DIAPH3: variants seen among roughly 807,000 people sequenced by gnomAD.
The protein encoded by DIAPH3 is protein diaphanous homolog 3.
In DIAPH3, 117 loss-of-function variants were observed where a neutral mutation model predicts 144.3. That is an observed-to-expected ratio of 0.81 (90% confidence interval 0.70 to 0.95). DIAPH3 has a LOEUF of 0.95. Among genes scored for constraint, DIAPH3 ranks in the 40% least tolerant of loss-of-function variants. The probability of loss-of-function intolerance (pLI) is 0.00; values close to 1 mark genes in which losing one functional copy is unlikely to be tolerated. For missense variants in DIAPH3, 1,421 were observed against 1,412.7 expected (o/e 1.01, Z -0.09); for synonymous variants, 519 against 488.9 (o/e 1.06, Z -0.81).
chr13:59,991,115 T>G (rs2051779262), intron 12 of DIAPH3, 43 bp downstream of exon 12: 1 of 1,272,786 alleles, frequency 7.9e-7, no homozygotes, highest in East Asian at 2.4e-5. Context: ...ATTAATAGAT[T>G]TTTATTAGTG....
intron 22 of DIAPH3, among the ~76,000 whole-genome samples, chr13:59,852,457 A>G (rs1440647384): frequency 6.6e-6 from 1 of 152,188 alleles, no homozygotes; most frequent in African/African-American, 2.4e-5. Context: ...GTTGCTGGAG[A>G]CCAGTTGTTT....
At chr13:59,691,185 C>T (rs60487390) in intron 27 of DIAPH3, among the ~76,000 whole-genome samples, 4,886 of 152,150 alleles carry the variant, frequency 0.032, 275 homozygotes, top group African/African-American at 0.11. Flanking sequence ...GCTTTTTAGT[C>T]ATTAAAAATT....
At chr13:59,885,442 T>C (rs1249990156) in intron 20 of DIAPH3, among the ~76,000 whole-genome samples, 2 of 124,312 alleles carry the variant, frequency 1.6e-5, no homozygotes, top group Admixed American at 9.5e-5. Context: ...AGCTGGCTTC[T>C]TTCACTAAAA....
At chr13:59,949,429 T>G (rs549426860) in intron 17 of DIAPH3, among the ~76,000 whole-genome samples, 1 of 152,314 alleles carries the variant, frequency 6.6e-6, no homozygotes, top group East Asian at 1.9e-4. Flanking sequence ...TGGTGCTCCT[T>G]GTTGAAGGAA....
At chr13:59,839,557 A>T in intron 22 of DIAPH3, 109 bp from the exon 23 acceptor site, 1 of 998,448 alleles carries the variant, frequency 1.0e-6, no homozygotes, top group Non-Finnish European at 1.4e-6. Context: ...TAATGTAAGA[A>T]AATTCATTAT....
intron 4 of DIAPH3, among the ~76,000 whole-genome samples, chr13:60,084,576 AAGT>A (rs2057688089): frequency 6.6e-6 from 1 of 152,136 alleles, no homozygotes; most frequent in African/African-American, 2.4e-5. Flanking sequence ...AAACTCACCA[AAGT>A]AGCACAAAGC....
intron 4 of DIAPH3, among the ~76,000 whole-genome samples, chr13:60,079,773 A>G (rs1004683722): frequency 1.7e-4 from 26 of 151,964 alleles, no homozygotes; most frequent in Non-Finnish European, 3.7e-4. Context: ...AAAATATTAT[A>G]TGTGTTATTT....
At chr13:60,027,242 C>T (rs1212662025) in intron 5 of DIAPH3, among the ~76,000 whole-genome samples, 1 of 152,172 alleles carries the variant, frequency 6.6e-6, no homozygotes, top group South Asian at 2.1e-4. Context: ...TTCAATGGCC[C>T]ATCCACCCAA....
At chr13:60,102,415 A>G (rs2058296894) in intron 3 of DIAPH3, among the ~76,000 whole-genome samples, 1 of 152,198 alleles carries the variant, frequency 6.6e-6, no homozygotes, top group Non-Finnish European at 1.5e-5. Context: ...TGCATGGAAC[A>G]TAATGGTCAC....
intron 23 of DIAPH3, among the ~76,000 whole-genome samples, chr13:59,835,690 T>A (rs1372608821): frequency 6.6e-6 from 1 of 151,482 alleles, no homozygotes; most frequent in East Asian, 1.9e-4. Flanking sequence ...AGAAGAAAAA[T>A]CTGCTACAAT....
intron 25 of DIAPH3, among the ~76,000 whole-genome samples, chr13:59,783,632 T>TCC (rs2038870496): frequency 1.3e-5 from 2 of 152,198 alleles, no homozygotes; most frequent in Admixed American, 1.3e-4. Flanking sequence ...AACCAATGGC[T>TCC]CCCCAACTAA....
intron 20 of DIAPH3, among the ~76,000 whole-genome samples, chr13:59,887,407 T>C (rs956142504): frequency 1.3e-5 from 2 of 152,074 alleles, no homozygotes; most frequent in African/African-American, 4.8e-5. Flanking sequence ...ACCAGTAGTT[T>C]GAGAATTTGG....
At chr13:59,759,948 AAAACAAAC>A (rs10636836) in intron 27 of DIAPH3, among the ~76,000 whole-genome samples, 149 of 150,126 alleles carry the variant, frequency 9.9e-4, no homozygotes, top group Non-Finnish European at 1.5e-3. Context: ...ACTCCATCTC[AAAACAAAC>A]AAACAAACAA....
At chr13:59,944,354 C>G (rs910056529) in intron 17 of DIAPH3, among the ~76,000 whole-genome samples, 7 of 152,146 alleles carry the variant, frequency 4.6e-5, no homozygotes, top group Non-Finnish European at 7.3e-5. Context: ...GGAATGCATT[C>G]CTTTCCTCTC....
chr13:59,909,912 T>C (rs2046909588), intron 20 of DIAPH3, among the ~76,000 whole-genome samples: 1 of 152,212 alleles, frequency 6.6e-6, no homozygotes, highest in South Asian at 2.1e-4. Flanking sequence ...CAAAGCTCTT[T>C]GATGTGAATT....
chr13:59,972,061 T>A (rs1469926446), intron 15 of DIAPH3, among the ~76,000 whole-genome samples: 1 of 152,310 alleles, frequency 6.6e-6, no homozygotes, highest in Middle Eastern at 3.4e-3. Flanking sequence ...TAAGTGACTA[T>A]CTTGTATTAT....
intron 5 of DIAPH3, among the ~76,000 whole-genome samples, chr13:60,024,266 C>A (rs1023816250): frequency 2.6e-5 from 4 of 152,122 alleles, no homozygotes; most frequent in African/African-American, 9.7e-5. Context: ...TTCCCTGAGA[C>A]TCTGTATGTA....
At chr13:60,138,363 C>T (rs2059344202) in intron 1 of DIAPH3, among the ~76,000 whole-genome samples, 1 of 152,190 alleles carries the variant, frequency 6.6e-6, no homozygotes, top group East Asian at 1.9e-4. Flanking sequence ...ATTAAACATT[C>T]CCTCAGCCTG....
chr13:59,845,873 T>C (rs2042602192), intron 22 of DIAPH3, among the ~76,000 whole-genome samples: 1 of 152,224 alleles, frequency 6.6e-6, no homozygotes, highest in African/African-American at 2.4e-5. Context: ...TAAGACACCA[T>C]TCATCTTTGT....
Sources: gnomAD v4.1 joint callset for allele counts (sites outside exome capture counted in the v4.1 genomes callset) on GRCh38, gnomAD v4.1.1 for gene constraint, MANE v1.5 for transcripts, NCBI Gene and HGNC (gene_info 2026-07-23, HGNC 2026-07-21) for gene names.